The following NXPE2 variants were observed in gnomAD, a reference collection of about 807,000 sequenced individuals.
NXPE2 encodes the protein neurexophilin and PC-esterase domain family member 2.
A neutral mutation model predicts 34.4 loss-of-function variants in NXPE2; 34 were observed. The observed-to-expected ratio is 0.99, with a 90% CI of 0.75 to 1.31. The LOEUF (loss-of-function observed/expected upper bound fraction) is 1.31, where lower values mean the gene tolerates loss of function less well. NXPE2 is among the 40% of genes most tolerant of loss of function. The pLI, the probability that NXPE2 is intolerant of heterozygous loss-of-function variation, is 0.00. For synonymous variants in NXPE2, 235 were observed against 231.3 expected (o/e 1.02, Z -0.15); for missense variants, 649 against 672.5 (o/e 0.97, Z 0.39).
At chr11:114,657,573 T>A in the NXPE2 span, among the ~76,000 whole-genome samples, 1 of 152,186 alleles carries the variant, frequency 6.6e-6, no homozygotes, top group South Asian at 2.1e-4. Context: ...TGCTATTTAA[T>A]GTCGTATAAT....
chr11:114,774,020 G>A, the NXPE2 span, among the ~76,000 whole-genome samples: 1 of 152,184 alleles, frequency 6.6e-6, no homozygotes, highest in Admixed American at 6.5e-5. Flanking sequence ...GCCCTCAGTT[G>A]GCCTACCAAA....
chr11:114,691,673 T>C (rs1177822207), intron 2 of NXPE2, among the ~76,000 whole-genome samples: 2 of 152,314 alleles, frequency 1.3e-5, no homozygotes, highest in Middle Eastern at 3.4e-3. Context: ...GGGTGAGAGA[T>C]GACCTCCTCT....
At chr11:114,555,326 T>A in the NXPE2 span, among the ~76,000 whole-genome samples, 1 of 152,010 alleles carries the variant, frequency 6.6e-6, no homozygotes, top group East Asian at 1.9e-4. Context: ...CGGGTTCAAG[T>A]GATTCCCCTG....
chr11:114,512,413 G>A, the NXPE2 span, among the ~76,000 whole-genome samples: 3 of 152,046 alleles, frequency 2.0e-5, no homozygotes, highest in Non-Finnish European at 2.9e-5. Flanking sequence ...GGTCAGTCAG[G>A]GTCCAGCAGG....
chr11:114,628,246 C>A, the NXPE2 span, among the ~76,000 whole-genome samples: 1 of 147,820 alleles, frequency 6.8e-6, no homozygotes, highest in Admixed American at 6.8e-5. Flanking sequence ...CACACCTATT[C>A]CAAAATTGAC....
the NXPE2 span, among the ~76,000 whole-genome samples, chr11:114,515,230 CT>C: frequency 1.3e-5 from 2 of 151,940 alleles, no homozygotes; most frequent in Admixed American, 6.6e-5. Flanking sequence ...ACTATATCCC[CT>C]GAGTTTGTTG....
chr11:114,585,362 T>C, the NXPE2 span, among the ~76,000 whole-genome samples: 113,352 of 151,888 alleles, frequency 0.75, 42,850 homozygotes, highest in African/African-American at 0.87. Context: ...AAACAAGACC[T>C]AACTCTATCC....
At chr11:114,772,085 C>T in the NXPE2 span, among the ~76,000 whole-genome samples, 37 of 152,274 alleles carry the variant, frequency 2.4e-4, no homozygotes, top group Middle Eastern at 3.4e-3. Context: ...AAAACGGACG[C>T]TTTGTGTGGC....
the NXPE2 span, among the ~76,000 whole-genome samples, chr11:114,735,839 G>A: frequency 2.0e-5 from 3 of 152,178 alleles, no homozygotes; most frequent in Non-Finnish European, 4.4e-5. Flanking sequence ...CTTATCAGGA[G>A]AAATTCAGCC....
chr11:114,571,063 G>T, the NXPE2 span: 3 of 1,613,748 alleles, frequency 1.9e-6, no homozygotes, highest in African/African-American at 4.0e-5. Context: ...CTGAGATCCT[G>T]GAAAATGTCC....
the NXPE2 span, among the ~76,000 whole-genome samples, chr11:114,653,990 C>T: frequency 6.6e-6 from 1 of 152,092 alleles, no homozygotes; most frequent in Non-Finnish European, 1.5e-5. Context: ...GGAAGGAAGG[C>T]ATACCCGGCA....
At chr11:114,525,765 A>T in the NXPE2 span, among the ~76,000 whole-genome samples, 4 of 152,162 alleles carry the variant, frequency 2.6e-5, no homozygotes, top group Admixed American at 1.3e-4. Context: ...GTTTTGCACC[A>T]TTTAGTGAAG....
chr11:114,756,589 T>C, the NXPE2 span, among the ~76,000 whole-genome samples: 1 of 152,186 alleles, frequency 6.6e-6, no homozygotes, highest in South Asian at 2.1e-4. Flanking sequence ...TTTATTAATA[T>C]AATTGATGTC....
At chr11:114,739,859 A>C in the NXPE2 span, among the ~76,000 whole-genome samples, 1 of 152,148 alleles carries the variant, frequency 6.6e-6, no homozygotes, top group South Asian at 2.1e-4. Flanking sequence ...TGGCTGGATT[A>C]TTTCACTTAG....
chr11:114,524,443 A>C, the NXPE2 span, among the ~76,000 whole-genome samples: 4 of 152,222 alleles, frequency 2.6e-5, no homozygotes, highest in East Asian at 1.9e-4. Context: ...ACCTATGGAC[A>C]AAGTGGTAAA....
chr11:114,759,424 G>A, the NXPE2 span, among the ~76,000 whole-genome samples: 1 of 152,152 alleles, frequency 6.6e-6, no homozygotes, highest in Non-Finnish European at 1.5e-5. Context: ...AAGATGAAAT[G>A]AATTGACACA....
At chr11:114,570,944 A>C in the NXPE2 span, 21 of 1,571,774 alleles carry the variant, frequency 1.3e-5, no homozygotes, top group Non-Finnish European at 1.8e-5. Flanking sequence ...TTATTTAACA[A>C]ATATAGTTTA....
chr11:114,700,310 G>A (rs532638658), intron 3 of NXPE2, among the ~76,000 whole-genome samples: 1 of 152,308 alleles, frequency 6.6e-6, no homozygotes, highest in African/African-American at 2.4e-5. Context: ...AAGGTCATAA[G>A]AGTAACAGTT....
chr11:114,716,660 G>T, the NXPE2 span, among the ~76,000 whole-genome samples: 1 of 152,162 alleles, frequency 6.6e-6, no homozygotes, highest in Non-Finnish European at 1.5e-5. Context: ...CTAATGTCTT[G>T]AGCAATCTAG....
Sources: gnomAD v4.1 joint callset for allele counts (sites outside exome capture counted in the v4.1 genomes callset) on GRCh38, gnomAD v4.1.1 for gene constraint, MANE v1.5 for transcripts, NCBI Gene and HGNC (gene_info 2026-07-23, HGNC 2026-07-21) for gene names.